The following DIABLO variants were observed in gnomAD, a reference collection of about 807,000 sequenced individuals.
The protein encoded by DIABLO is diablo IAP-binding mitochondrial protein, also known as diablo homolog, mitochondrial.
DIABLO carries 32 observed loss-of-function variants against 31.7 expected under a neutral mutation model. That is an observed-to-expected ratio of 1.01 (90% CI 0.76 to 1.35). DIABLO has a LOEUF of 1.35. Ranked by LOEUF, DIABLO falls within the 40% of genes most tolerant of loss-of-function variation. The pLI is 0.00. For missense variants in DIABLO, 316 were observed against 286.4 expected (o/e 1.10, Z -0.75); for synonymous variants, 132 against 103.2 (o/e 1.28, Z -1.69).
intron 5 of DIABLO, chr12:122,209,650 G>T: frequency 1.5e-6 from 1 of 674,356 alleles, no homozygotes; most frequent in South Asian, 1.6e-5. Flanking sequence ...AGGTGAGAGT[G>T]AAACTCGTCT....
upstream of DIABLO, chr12:122,226,647 C>T (rs1209691640): frequency 4.6e-6 from 3 of 647,410 alleles, no homozygotes; most frequent in Non-Finnish European, 8.3e-6. Context: ...CACACGAGGT[C>T]CTGGCCCTCG....
chr12:122,225,943 C>T, intron 1 of DIABLO, 22 bp downstream of exon 1: 3 of 1,581,506 alleles, frequency 1.9e-6, no homozygotes, highest in Non-Finnish European at 2.6e-6. Flanking sequence ...GTCCTGTCCC[C>T]TCTACGCGGC....
chr12:122,225,776 C>A, intron 1 of DIABLO, 189 bp downstream of exon 1: 1 of 1,443,796 alleles, frequency 6.9e-7, no homozygotes, highest in Admixed American at 2.7e-5. Context: ...GAAAAGGAAG[C>A]CGGGCTTGAC....
chr12:122,222,578 A>G (rs923090193), intron 2 of DIABLO: 2 of 138,796 alleles, frequency 1.4e-5, no homozygotes, highest in African/African-American at 5.0e-5. Flanking sequence ...TCCAAAAAAA[A>G]AAAAAAAAAA....
chr12:122,224,588 G>A lies in DIABLO; in HGVS notation c.107C>T (p.Ser36Leu). Reference protein sequence around the residue: ...VVANFKKRCFSELIRPWHKTV... With the variant: ...VVANFKKRCFLELIRPWHKTV... ...TTTGTGCCATGGTCTTATCAATTCT[G>A]AGAAACACCGCTTCTTAAAGTTAGC... The change falls in exon 2 of 6, where the codon TCA becomes TTA. Residue 36 changes from serine to leucine, a missense_variant. Ser to Leu is a moderately radical substitution (Grantham distance 145). Transcript: ENST00000464942. 1 of 1,613,942 alleles carries A rather than the reference G, an allele frequency of 6.2e-7. No individual in the cohort carries two copies. The highest frequency in any genetic ancestry group is 8.5e-7 in the Non-Finnish European group (1 of 1,180,022).
intron 5 of DIABLO, among the ~76,000 whole-genome samples, chr12:122,215,336 T>TG (rs1954183533): frequency 6.6e-6 from 1 of 152,102 alleles, no homozygotes. Context: ...CCCAGCACTT[T>TG]GGGAGGCCAA....
upstream of DIABLO, chr12:122,226,580 C>A (rs779355461): frequency 1.4e-6 from 1 of 693,368 alleles, no homozygotes; most frequent in South Asian, 1.5e-5. Context: ...TGCGCGGGAG[C>A]CCCAGGACGG....
intron 1 of DIABLO, 121 bp downstream of exon 1, chr12:122,225,844 C>A (rs1313922767): frequency 4.6e-6 from 7 of 1,525,056 alleles, no homozygotes; most frequent in Non-Finnish European, 5.3e-6. Context: ...GACGCCGCGA[C>A]CCAGCTGGGC....
intron 2 of DIABLO, among the ~76,000 whole-genome samples, chr12:122,219,543 T>C (rs1202357157): frequency 2.6e-5 from 4 of 151,892 alleles, no homozygotes; most frequent in Non-Finnish European, 5.9e-5. Flanking sequence ...CTTCACAAGT[T>C]TGATGAGGAT....
At chr12:122,224,964 A>C in intron 1 of DIABLO, 1 of 623,514 alleles carries the variant, frequency 1.6e-6, no homozygotes, top group Non-Finnish European at 2.4e-6. Context: ...AAAAAAAAAT[A>C]AGTAAATAAA....
At chr12:122,224,385 C>T (rs1593182737) in intron 2 of DIABLO, 127 bp downstream of exon 2, 6 of 1,388,018 alleles carry the variant, frequency 4.3e-6, no homozygotes, top group South Asian at 1.2e-5. Context: ...GAAAAGATGC[C>T]GGTACTGTGG....
intron 1 of DIABLO, chr12:122,225,421 A>C (rs752487072): frequency 1.6e-4 from 159 of 997,386 alleles, no homozygotes; most frequent in Non-Finnish European, 1.8e-4. Context: ...GTTGCCTTTA[A>C]ACTTTTTAGA....
chr12:122,217,124 C>T (rs1268651385), intron 3 of DIABLO: 2 of 440,842 alleles, frequency 4.5e-6, no homozygotes, highest in Non-Finnish European at 8.4e-6. Context: ...CAAGGGAAAA[C>T]TTTAAAGGTT....
At chr12:122,210,669 G>A (rs1034853973) in intron 5 of DIABLO, among the ~76,000 whole-genome samples, 15 of 151,962 alleles carry the variant, frequency 9.9e-5, no homozygotes, top group South Asian at 4.2e-4. Flanking sequence ...GTGAGCCACC[G>A]CGCCCAGGTG....
At chr12:122,208,635 T>G (rs1953998519) in intron 5 of DIABLO, 58 bp from the exon 6 acceptor site, 1 of 1,569,704 alleles carries the variant, frequency 6.4e-7, no homozygotes, top group African/African-American at 1.3e-5. Context: ...AAGGCTCATG[T>G]GGACGTTGGC....
chr12:122,224,853 T>G, intron 1 of DIABLO: 1 of 1,481,472 alleles, frequency 6.8e-7, no homozygotes, highest in Non-Finnish European at 9.0e-7. Flanking sequence ...CCTGTAATCC[T>G]AGCACTTGGA....
chr12:122,226,417 G>GGGGCCGGGCGCA, upstream of DIABLO: 1 of 691,856 alleles, frequency 1.4e-6, no homozygotes, highest in East Asian at 2.7e-5. Context: ...GGCCGGGCGC[G>GGGGCCGGGCGCA]GCGACGGCGC....
At chr12:122,223,122 T>TAATAGTTCTGTGTTAA (rs1345612145) in intron 2 of DIABLO, among the ~76,000 whole-genome samples, 1 of 151,998 alleles carries the variant, frequency 6.6e-6, no homozygotes, top group Non-Finnish European at 1.5e-5. Context: ...TGTCAGATCA[T>TAATAGTTCTGTGTTAA]AATAGTTCTG....
rs747439384 is a variant in DIABLO at position 122,208,126 on chromosome 12, A to G, written c.*255T>C. The G allele has an allele frequency of 4.5e-6, 3 of 672,424 alleles. No individual in the cohort carries two copies. Among genetic ancestry groups the G allele is most frequent in the South Asian group, 1.5e-5 (1 of 66,418 alleles). 41.7% of individuals were successfully genotyped at this position (672,424 alleles called of 1,614,324 possible). A position where few individuals can be genotyped will look rare whatever the true frequency, so the allele number is the denominator to read the frequency against. ...ATGCTTTGGGTGTGAGGTAAAAAAA[A>G]TGGGTAAGAGCAGCTGTACAGAGTG... On this transcript the variant is annotated 3_prime_UTR_variant, in exon 6 of 6. Transcript: ENST00000464942.
Sources: gnomAD v4.1 joint callset for allele counts (sites outside exome capture counted in the v4.1 genomes callset) on GRCh38, gnomAD v4.1.1 for gene constraint, MANE v1.5 for transcripts, NCBI Gene and HGNC (gene_info 2026-07-23, HGNC 2026-07-21) for gene names.